TMTC2: variants seen among roughly 807,000 people sequenced by gnomAD.
The protein encoded by TMTC2 is transmembrane O-mannosyltransferase targeting cadherins 2, also known as protein O-mannosyl-transferase TMTC2.
In TMTC2, 43 loss-of-function variants were observed where a neutral mutation model predicts 82.4. That is an observed-to-expected ratio of 0.52 (90% CI 0.41 to 0.67). The LOEUF (loss-of-function observed/expected upper bound fraction) is 0.67, where lower values mean the gene tolerates loss of function less well. Among genes scored for constraint, TMTC2 ranks in the 30% least tolerant of loss-of-function variants. The pLI, the probability that TMTC2 is intolerant of heterozygous loss-of-function variation, is 0.00. For synonymous variants in TMTC2, 408 were observed against 381.9 expected, an observed-to-expected ratio of 1.07 and a Z score of -0.80; for missense variants, 919 against 1,012.4, an observed-to-expected ratio of 0.91 and a Z score of 1.25.
chr12:82,955,767 G>C (rs866446180), intron 4 of TMTC2, among the ~76,000 whole-genome samples: 5 of 151,808 alleles, frequency 3.3e-5, no homozygotes, highest in Admixed American at 2.0e-4. Context: ...TTTCATCACT[G>C]TCTGCTTAAT....
chr12:83,105,490 T>C (rs1884363147), intron 11 of TMTC2, among the ~76,000 whole-genome samples: 1 of 152,194 alleles, frequency 6.6e-6, no homozygotes. Context: ...CCAGGAACTT[T>C]TTCTCATAGC....
intron 1 of TMTC2, among the ~76,000 whole-genome samples, chr12:82,828,488 C>T (rs1159609856): frequency 6.6e-6 from 1 of 152,178 alleles, no homozygotes; most frequent in African/African-American, 2.4e-5. Context: ...GCATGAGCCA[C>T]TGTACTCAGC....
At chr12:82,732,001 A>G (rs985002898) in intron 1 of TMTC2, among the ~76,000 whole-genome samples, 2 of 152,192 alleles carry the variant, frequency 1.3e-5, no homozygotes, top group Non-Finnish European at 2.9e-5. Context: ...ACGAGGGATG[A>G]TGCTTAGACA....
chr12:82,980,520 A>G (rs534075612), intron 7 of TMTC2, among the ~76,000 whole-genome samples: 1 of 151,762 alleles, frequency 6.6e-6, no homozygotes, highest in Non-Finnish European at 1.5e-5. Context: ...AGTACTGGCA[A>G]TGAGATGCTT....
chr12:82,860,163 C>G (rs540110953), intron 2 of TMTC2, among the ~76,000 whole-genome samples: 1 of 141,828 alleles, frequency 7.1e-6, no homozygotes, highest in Non-Finnish European at 1.5e-5. Flanking sequence ...TAGTAGAGGC[C>G]AGGTTTCACC....
At chr12:82,915,100 C>T (rs1214276535) in intron 3 of TMTC2, among the ~76,000 whole-genome samples, 1 of 152,158 alleles carries the variant, frequency 6.6e-6, no homozygotes, top group African/African-American at 2.4e-5. Flanking sequence ...GCTGGGATTA[C>T]AGGCATGAGC....
intron 7 of TMTC2, among the ~76,000 whole-genome samples, chr12:82,969,508 T>C (rs938170342): frequency 1.3e-5 from 2 of 152,200 alleles, no homozygotes; most frequent in African/African-American, 4.8e-5. Flanking sequence ...TAGTACTAAA[T>C]TCACTGCAGT....
intron 2 of TMTC2, among the ~76,000 whole-genome samples, chr12:82,891,703 TTTTTA>T (rs142637029): frequency 0.016 from 2,495 of 152,292 alleles, 73 homozygotes; most frequent in African/African-American, 0.057. Flanking sequence ...TTAATTTTTA[TTTTTA>T]TTTTAAGTTC....
intron 9 of TMTC2, among the ~76,000 whole-genome samples, chr12:83,043,077 C>T (rs1239969220): frequency 1.3e-5 from 2 of 152,004 alleles, no homozygotes; most frequent in South Asian, 2.1e-4. Flanking sequence ...AGCAACAAAA[C>T]GAATAAAGGG....
intron 4 of TMTC2, among the ~76,000 whole-genome samples, chr12:82,957,731 C>T (rs1322542375): frequency 6.6e-6 from 1 of 151,972 alleles, no homozygotes; most frequent in Admixed American, 6.6e-5. Flanking sequence ...ATGAACACTT[C>T]TATGCACGCA....
chr12:82,795,352 A>C (rs889119984), intron 1 of TMTC2, among the ~76,000 whole-genome samples: 1 of 151,748 alleles, frequency 6.6e-6, no homozygotes, highest in South Asian at 2.1e-4. Context: ...TTTATATGGT[A>C]AGACAGCCTG....
chr12:83,019,525 C>A (rs1880821105), intron 8 of TMTC2, among the ~76,000 whole-genome samples: 1 of 152,126 alleles, frequency 6.6e-6, no homozygotes, highest in Non-Finnish European at 1.5e-5. Context: ...GTAAACCACA[C>A]CCTTGACATC....
intron 8 of TMTC2, among the ~76,000 whole-genome samples, chr12:83,012,105 C>G (rs1383541019): frequency 2.0e-5 from 3 of 152,098 alleles, no homozygotes; most frequent in Non-Finnish European, 2.9e-5. Flanking sequence ...CCTACTCTCT[C>G]TTATTATTAA....
chr12:82,927,408 AG>A (rs1341808110), intron 3 of TMTC2, among the ~76,000 whole-genome samples: 3 of 152,172 alleles, frequency 2.0e-5, no homozygotes, highest in Non-Finnish European at 4.4e-5. Flanking sequence ...ACAGATGAGG[AG>A]TTGCTTCTTA....
At chr12:82,997,398 G>GTATATATATATATGTATA (rs1248707722) in intron 8 of TMTC2, among the ~76,000 whole-genome samples, 1 of 45,984 alleles carries the variant, frequency 2.2e-5, no homozygotes, top group African/African-American at 6.8e-5. Flanking sequence ...ATATATATGT[G>GTATATATATATATGTATA]TATATATATA....
intron 3 of TMTC2, among the ~76,000 whole-genome samples, chr12:82,910,906 A>T (rs1314879406): frequency 2.0e-5 from 3 of 149,672 alleles, no homozygotes; most frequent in Admixed American, 6.7e-5. Context: ...ACAGAGGCAG[A>T]GTCTCGCTCT....
At chr12:82,872,153 C>G (rs1274557303) in intron 2 of TMTC2, among the ~76,000 whole-genome samples, 2 of 152,042 alleles carry the variant, frequency 1.3e-5, no homozygotes. Context: ...TTGGAAGCCT[C>G]CCTGAGACCA....
chr12:82,973,069 T>C (rs1359057097), intron 7 of TMTC2, among the ~76,000 whole-genome samples: 2 of 152,226 alleles, frequency 1.3e-5, no homozygotes, highest in Non-Finnish European at 2.9e-5. Flanking sequence ...GGTTTTTAAC[T>C]GTATGAGATT....
intron 1 of TMTC2, among the ~76,000 whole-genome samples, chr12:82,692,333 C>A (rs1008509771): frequency 6.6e-6 from 1 of 152,182 alleles, no homozygotes; most frequent in South Asian, 2.1e-4. Flanking sequence ...ATACTGAATT[C>A]TCTTCTGCTA....
Sources: allele counts gnomAD v4.1 joint callset (sites outside exome capture counted in the v4.1 genomes callset), GRCh38; gene constraint gnomAD v4.1.1; transcripts MANE v1.5; gene names NCBI Gene and HGNC (gene_info 2026-07-23, HGNC 2026-07-21).